Variants in ITPR2 observed in about 807,000 individuals in gnomAD.
The protein encoded by ITPR2 is inositol 1,4,5-trisphosphate receptor type 2.
A neutral mutation model predicts 317.1 loss-of-function variants in ITPR2; 207 were observed. The ratio of observed to expected loss-of-function variants is 0.65; its 90% CI spans 0.58 to 0.73. ITPR2 has a LOEUF of 0.73. ITPR2 is among the 30% of genes least tolerant of loss of function. ITPR2 has a pLI of 0.00. For synonymous variants in ITPR2, 1,156 were observed against 1,149.1 expected, an observed-to-expected ratio of 1.01 and a Z score of -0.12; for missense variants, 2,613 against 3,284.0, an observed-to-expected ratio of 0.80 and a Z score of 4.99.
At chr12:26,795,120 A>T (rs1950409357) in intron 1 of ITPR2, among the ~76,000 whole-genome samples, 1 of 152,248 alleles carries the variant, frequency 6.6e-6, no homozygotes, top group Non-Finnish European at 1.5e-5. Context: ...ATTAATTTGC[A>T]TAATGCCTTC....
chr12:26,750,089 G>A (rs11830336), intron 2 of ITPR2, among the ~76,000 whole-genome samples: 74,126 of 151,998 alleles, frequency 0.49, 18,865 homozygotes, highest in Non-Finnish European at 0.54. Context: ...GTGTAACCTT[G>A]CATAAGAGTA....
intron 13 of ITPR2, among the ~76,000 whole-genome samples, chr12:26,676,477 TAA>T (rs75516235): frequency 1.8e-4 from 23 of 131,396 alleles, no homozygotes; most frequent in Admixed American, 3.1e-4. Flanking sequence ...ACTCTGTCTC[TAA>T]AAAAAAAAAA....
At chr12:26,439,989 T>C (rs888131130) in intron 46 of ITPR2, among the ~76,000 whole-genome samples, 1 of 152,228 alleles carries the variant, frequency 6.6e-6, no homozygotes. Context: ...AGGGCTTATG[T>C]AGCCTAAATT....
At chr12:26,347,623 T>A (rs1476347337) in intron 55 of ITPR2, among the ~76,000 whole-genome samples, 1 of 152,202 alleles carries the variant, frequency 6.6e-6, no homozygotes, top group Non-Finnish European at 1.5e-5. Context: ...ACCAGATCAC[T>A]CTGCATGTCT....
chr12:26,448,166 A>G (rs868181483), intron 45 of ITPR2, among the ~76,000 whole-genome samples: 10 of 152,192 alleles, frequency 6.6e-5, no homozygotes, highest in Middle Eastern at 6.8e-3. Flanking sequence ...TTAAAAACTG[A>G]AAAACTGCTA....
intron 21 of ITPR2, among the ~76,000 whole-genome samples, chr12:26,634,659 G>A (rs562448463): frequency 1.3e-5 from 2 of 152,108 alleles, no homozygotes; most frequent in African/African-American, 2.4e-5. Flanking sequence ...GCCAAGGCGG[G>A]TGGATCACTT....
chr12:26,521,746 AAACAACAAC>A (rs1038757116), intron 37 of ITPR2, among the ~76,000 whole-genome samples: 4 of 152,348 alleles, frequency 2.6e-5, no homozygotes, highest in African/African-American at 4.8e-5. Context: ...ATAGGAAAGG[AAACAACAAC>A]AACAACAAAG....
intron 39 of ITPR2, among the ~76,000 whole-genome samples, chr12:26,488,107 A>G (rs1942713623): frequency 6.6e-6 from 1 of 152,332 alleles, no homozygotes; most frequent in African/African-American, 2.4e-5. Context: ...AACACATTCC[A>G]GAGAAGACAG....
Position 26,781,580 on chromosome 12 carries a change from A to G in ITPR2, c.163+8577T>C, listed in dbSNP as rs576930005. Among the ~76,000 whole-genome samples the G allele has an allele frequency of 2.0e-5, 3 of 152,258 alleles. No homozygotes were observed. In the South Asian group the frequency reaches 6.2e-4, roughly 32 times the overall value. Reference sequence around the variant, plus strand: ...TTATTATTGTCTTTATTTGAAGATTATGTATGAGCTCAGGAGATGTTTATG... The same window carrying G: ...TTATTATTGTCTTTATTTGAAGATTGTGTATGAGCTCAGGAGATGTTTATG... On this transcript the variant is annotated intron_variant, in intron 2 of 56. Transcript: ENST00000381340.
intron 37 of ITPR2, among the ~76,000 whole-genome samples, chr12:26,536,016 CAT>C (rs1245727860): frequency 6.6e-6 from 1 of 152,180 alleles, no homozygotes; most frequent in Admixed American, 6.5e-5. Context: ...TACTTTCGTC[CAT>C]ATGTTTTCTC....
At chr12:26,579,973 A>C (rs1372672236) in intron 33 of ITPR2, 54 bp downstream of exon 33, 1 of 1,531,426 alleles carries the variant, frequency 6.5e-7, no homozygotes, top group Non-Finnish European at 8.9e-7. Context: ...AATTTCTCCT[A>C]CTCAAATAAG....
chr12:26,506,490 C>T (rs1016979530), intron 37 of ITPR2, among the ~76,000 whole-genome samples: 2 of 146,024 alleles, frequency 1.4e-5, no homozygotes, highest in Non-Finnish European at 3.0e-5. Flanking sequence ...CTGGGAGACC[C>T]TGTCCAGCCT....
chr12:26,643,469 AGAG>A (rs1484777337), intron 21 of ITPR2, among the ~76,000 whole-genome samples: 1 of 152,210 alleles, frequency 6.6e-6, no homozygotes, highest in Non-Finnish European at 1.5e-5. Flanking sequence ...GTGAAGTCTC[AGAG>A]GAGAGGAGGA....
At chr12:26,384,637 T>G (rs1244638971) in intron 55 of ITPR2, among the ~76,000 whole-genome samples, 1 of 152,182 alleles carries the variant, frequency 6.6e-6, no homozygotes, top group Non-Finnish European at 1.5e-5. Flanking sequence ...TGGGTCAACA[T>G]TTTCACAGCA....
rs1942691293 is a variant in ITPR2 at position 26,487,200 on chromosome 12, T to C, written c.5422A>G (p.Lys1808Glu). The change falls in exon 40 of 57, where the codon AAA (lysine) becomes GAA (glutamate). Residue 1808 changes from lysine to glutamate, a missense_variant. Coordinates refer to ENST00000381340, the MANE Select transcript of ITPR2 (RefSeq NM_002223.4). ...HEQKKSEKFF[K>E]VLYDRMKAAQ... Reference sequence around the variant, plus strand: ...GCCTTCATTCGATCATAGAGAACTTTAAAGAATTTTTCTGACTTTTTTTGT... The same window carrying C: ...GCCTTCATTCGATCATAGAGAACTTCAAAGAATTTTTCTGACTTTTTTTGT... 1 of 1,610,818 alleles carries C rather than the reference T, an allele frequency of 6.2e-7. No individual in the cohort carries two copies. The highest frequency in any genetic ancestry group is 8.5e-7 in the Non-Finnish European group (1 of 1,179,138).
intron 45 of ITPR2, among the ~76,000 whole-genome samples, chr12:26,460,452 G>A (rs969735531): frequency 1.3e-5 from 2 of 152,132 alleles, no homozygotes; most frequent in Non-Finnish European, 2.9e-5. Context: ...TCTGAGAAGC[G>A]GAGTTAACAG....
At chr12:26,354,762 G>A (rs779725590) in intron 55 of ITPR2, among the ~76,000 whole-genome samples, 5 of 151,988 alleles carry the variant, frequency 3.3e-5, no homozygotes, top group Non-Finnish European at 7.4e-5. Flanking sequence ...TCTGCCTCCC[G>A]GGTTCAAGTG....
At chr12:26,714,629 A>G (rs1948705766) in intron 8 of ITPR2, among the ~76,000 whole-genome samples, 1 of 152,188 alleles carries the variant, frequency 6.6e-6, no homozygotes, top group Non-Finnish European at 1.5e-5. Context: ...GGGGCAGGTG[A>G]AGAATTTGAA....
intron 24 of ITPR2, among the ~76,000 whole-genome samples, chr12:26,622,836 C>T (rs1263354237): frequency 1.3e-5 from 2 of 152,156 alleles, no homozygotes; most frequent in South Asian, 4.1e-4. Flanking sequence ...CGCACATGTG[C>T]GTGAACCAGC....
Sources: allele counts gnomAD v4.1 joint callset (sites outside exome capture counted in the v4.1 genomes callset), GRCh38; gene constraint gnomAD v4.1.1; transcripts MANE v1.5; gene names NCBI Gene and HGNC (gene_info 2026-07-23, HGNC 2026-07-21).